LRRC9: variants seen among roughly 807,000 people sequenced by gnomAD.
The protein encoded by LRRC9 is leucine-rich repeat-containing protein 9.
LRRC9 carries 122 observed loss-of-function variants against 63.2 expected under a neutral mutation model. The observed-to-expected ratio is 1.93, with a 90% confidence interval of 1.67 to 2.24. The LOEUF is 2.24. Among genes scored for constraint, LRRC9 ranks in the 30% most tolerant of loss-of-function variants. The pLI is 0.00. For missense variants in LRRC9, 1,071 were observed against 627.7 expected (o/e 1.71, Z -7.55); for synonymous variants, 366 against 213.1 (o/e 1.72, Z -6.25).
intron 13 of LRRC9, among the ~76,000 whole-genome samples, 166 bp downstream of exon 13, chr14:59,974,874 A>C (rs74598744): frequency 6.6e-6 from 1 of 151,340 alleles, no homozygotes; most frequent in African/African-American, 2.4e-5. Flanking sequence ...TCTCATCATT[A>C]ATTTAGCCAC....
chr14:59,976,749 G>A lies in LRRC9; in HGVS notation c.1640-476G>A, dbSNP rs114203224. On this transcript the variant is annotated intron_variant, in intron 13 of 31. Coordinates refer to ENST00000445360, the Ensembl canonical transcript of LRRC9. ...TTTATGTATTATGATTATAAATTAC[G>A]TTTTTAGTTTCTTGACTTTAGGATT... 7.9e-3 allele frequency among the ~76,000 whole-genome samples: 1,202 copies of A among 152,136 alleles called. 7 individuals are homozygous for A. The highest frequency in any genetic ancestry group is 0.012 in the African/African-American group (494 of 41,506).
chr14:59,957,115 C>G (rs1883844382), intron 8 of LRRC9, among the ~76,000 whole-genome samples: 3 of 152,086 alleles, frequency 2.0e-5, no homozygotes, highest in Non-Finnish European at 4.4e-5. Flanking sequence ...TGGGGCTGCT[C>G]TTCTCGAGGA....
chr14:60,003,576 A>G lies in LRRC9; in HGVS notation c.2665-45A>G. 1 of 524,478 alleles carries G rather than the reference A, an allele frequency of 1.9e-6. No individual in the cohort carries two copies. The allele number at this position is 524,478 out of a possible 1,614,324, so 32.5% of individuals were successfully genotyped here. ...TTAAAATGTTATTAACATTGACTGA[A>G]TTTATAAGATTTAGAAATAACATAC... On this transcript the variant is annotated intron_variant, in intron 20 of 31. Transcript: ENST00000445360. This position sits in a 1 kb window ranked among gnomAD's most constrained non-coding sequence, Gnocchi z 4.2.
Position 60,045,830 on chromosome 14 carries a change from C to T in LRRC9, c.3991-7235C>T, listed in dbSNP as rs751571368. 5.3e-5 allele frequency among the ~76,000 whole-genome samples: 8 copies of T among 152,022 alleles called. No individual in the cohort carries two copies. In the South Asian group the frequency reaches 6.2e-4, roughly 12 times the overall value. Reference sequence around the variant, plus strand: ...GGGTCAAATGGTATTTCTGGTTCTACGTCTTTGAAGAATTGCCACACTGTC... The same window carrying T: ...GGGTCAAATGGTATTTCTGGTTCTATGTCTTTGAAGAATTGCCACACTGTC... On this transcript the variant is annotated intron_variant, in intron 29 of 31. Transcript: ENST00000445360.
intron 27 of LRRC9, among the ~76,000 whole-genome samples, chr14:60,025,767 C>A (rs923475747): frequency 4.6e-5 from 7 of 151,820 alleles, no homozygotes; most frequent in Admixed American, 4.6e-4. Flanking sequence ...AAAGTCAAAC[C>A]TAGATCTATC....
chr14:60,049,979 T>C (rs1239714483), intron 29 of LRRC9, among the ~76,000 whole-genome samples: 1 of 152,004 alleles, frequency 6.6e-6, no homozygotes, highest in Admixed American at 6.6e-5. Context: ...TCTCTAATCT[T>C]TTCTATCTGT....
intron 23 of LRRC9, among the ~76,000 whole-genome samples, chr14:60,016,456 T>A (rs531602713): frequency 5.9e-5 from 9 of 152,264 alleles, no homozygotes; most frequent in Admixed American, 5.2e-4. Flanking sequence ...TCCTCCCACC[T>A]TGGCCTCCCA....
chr14:60,034,251 T>C (rs1892244281), intron 29 of LRRC9, among the ~76,000 whole-genome samples: 1 of 151,924 alleles, frequency 6.6e-6, no homozygotes, highest in Non-Finnish European at 1.5e-5. Flanking sequence ...TCTCCTGACC[T>C]CATGATCCAC....
rs147196884 is a variant in LRRC9, at chr14:60,000,839, C to T, written c.2530-1127C>T. 7.2e-5 allele frequency among the ~76,000 whole-genome samples: 11 copies of T among 151,954 alleles called. 1 individual carries two copies. The highest frequency in any genetic ancestry group is 4.2e-4 in the South Asian group (2 of 4,814). ...GCTACATACTGGGAAAAGAAATTTG[C>T]GACACAACTGTCAAAAGATATTCTT... On this transcript the variant is annotated intron_variant, in intron 19 of 31. Transcript: ENST00000445360.
rs757799299 is a variant in LRRC9 at position 60,004,697 on chromosome 14, CA to C, written c.2842+900del. 1.1e-3 allele frequency among the ~76,000 whole-genome samples: 164 copies of C among 152,128 alleles called. 2 individuals are homozygous for C. The highest frequency in any genetic ancestry group is 1.8e-3 in the Non-Finnish European group (125 of 67,952). ...AGTCAAGTATTTTCTGACTCCTCCC[CA>C]GCTTTATTTTATTCTTACCTTCATT... On this transcript the variant is annotated intron_variant, in intron 21 of 31. Transcript: ENST00000445360. The surrounding 1 kb of genome is among the most constrained non-coding windows in gnomAD (Gnocchi z 4.8).
intron 19 of LRRC9, among the ~76,000 whole-genome samples, chr14:60,000,881 A>G (rs1289973245): frequency 1.3e-5 from 2 of 152,178 alleles, no homozygotes; most frequent in East Asian, 3.8e-4. Context: ...TCCAGAATAT[A>G]TAAGGAAAAA....
chr14:59,952,978 G>A (rs1035960363), intron 8 of LRRC9, among the ~76,000 whole-genome samples: 2 of 152,190 alleles, frequency 1.3e-5, no homozygotes, highest in African/African-American at 2.4e-5. Flanking sequence ...TCCCTGCAAA[G>A]GACATGAGCT....
At position 60,047,580 on chromosome 14, in the gene LRRC9, T is replaced by C. The variant is rs117604567; in HGVS notation, c.3991-5485T>C. On this transcript the variant is annotated intron_variant, in intron 29 of 31. Coordinates refer to ENST00000445360, the Ensembl canonical transcript of LRRC9. Reference sequence around the variant, plus strand: ...AGAGCATTACATAATGGTAAATGTTTCAATTCAACAAGAGCTAACTATCCT... The same window carrying C: ...AGAGCATTACATAATGGTAAATGTTCCAATTCAACAAGAGCTAACTATCCT... Among the ~76,000 whole-genome samples the C allele has an allele frequency of 3.4e-3, 514 of 152,304 alleles. 17 individuals carry two copies. The East Asian group carries it at 0.057, about 17-fold the overall frequency.
chr14:60,059,509 G>A (rs1363210796), intron 31 of LRRC9, among the ~76,000 whole-genome samples: 1 of 152,170 alleles, frequency 6.6e-6, no homozygotes, highest in African/African-American at 2.4e-5. Context: ...GCCAAGTTGT[G>A]AATGCAAAGG....
intron 29 of LRRC9, among the ~76,000 whole-genome samples, chr14:60,033,130 G>A (rs1463773396): frequency 1.3e-5 from 2 of 151,686 alleles, no homozygotes; most frequent in Admixed American, 1.3e-4. Context: ...TTTCCTAATT[G>A]TTTGTTGCTG....
exon 8 of LRRC9, chr14:59,944,694 C>A: frequency 1.5e-6 from 1 of 670,634 alleles, no homozygotes; most frequent in Non-Finnish European, 2.7e-6. Flanking sequence ...ATGCAAATTA[C>A]AAAAGTTGCC....
chr14:60,009,478 A>G (rs776755711), intron 23 of LRRC9, among the ~76,000 whole-genome samples: 1 of 152,154 alleles, frequency 6.6e-6, no homozygotes, highest in Non-Finnish European at 1.5e-5. Flanking sequence ...ACCCATCCCC[A>G]TGATTCAATT....
chr14:59,921,901 T>G (rs1481743835), intron 1 of LRRC9, among the ~76,000 whole-genome samples: 2 of 151,768 alleles, frequency 1.3e-5, no homozygotes, highest in African/African-American at 4.8e-5. Context: ...CTGGCCAATA[T>G]GGTGAAACCC....
intron 19 of LRRC9, 60 bp from the exon 20 acceptor site, chr14:60,001,906 A>G (rs970291432): frequency 1.3e-5 from 6 of 462,418 alleles, no homozygotes; most frequent in African/African-American, 1.0e-4. Context: ...TTTTAACTAT[A>G]TATCAACTAA....
Sources: allele counts gnomAD v4.1 joint callset (sites outside exome capture counted in the v4.1 genomes callset), GRCh38; gene constraint gnomAD v4.1.1; non-coding constraint Gnocchi (gnomAD v3.1); transcripts MANE v1.5; gene names NCBI Gene and HGNC (gene_info 2026-07-23, HGNC 2026-07-21).